ADAMTSL1: variants seen among roughly 807,000 people sequenced by gnomAD.
The protein encoded by ADAMTSL1 is ADAMTS-like protein 1.
A neutral mutation model predicts 201.8 loss-of-function variants in ADAMTSL1; 126 were observed. The ratio of observed to expected loss-of-function variants is 0.62; its 90% CI spans 0.54 to 0.72. ADAMTSL1 has a LOEUF of 0.72. Among genes scored for constraint, ADAMTSL1 ranks in the 30% least tolerant of loss-of-function variants. ADAMTSL1 has a pLI of 0.00. For missense variants in ADAMTSL1, 2,679 were observed against 2,277.8 expected (o/e 1.18, Z -3.59); for synonymous variants, 1,121 against 903.4 (o/e 1.24, Z -4.32).
chr9:17,951,313 A>C (rs912341822), intron 1 of ADAMTSL1, among the ~76,000 whole-genome samples: 1 of 152,170 alleles, frequency 6.6e-6, no homozygotes. Flanking sequence ...AATCCACATG[A>C]GTCTGCCCAG....
At chr9:18,747,810 A>G (rs1819234705) in intron 15 of ADAMTSL1, among the ~76,000 whole-genome samples, 2 of 152,222 alleles carry the variant, frequency 1.3e-5, no homozygotes, top group African/African-American at 4.8e-5. Flanking sequence ...AGATCCAGGC[A>G]GAGAGACAGG....
intron 2 of ADAMTSL1, among the ~76,000 whole-genome samples, chr9:18,386,992 G>T (rs1028097467): frequency 1.3e-5 from 2 of 152,056 alleles, no homozygotes; most frequent in Non-Finnish European, 2.9e-5. Flanking sequence ...CATACCAAAG[G>T]TCTTATAAAT....
At chr9:18,292,527 C>G in intron 2 of ADAMTSL1, among the ~76,000 whole-genome samples, 1 of 152,098 alleles carries the variant, frequency 6.6e-6, no homozygotes, top group East Asian at 1.9e-4. Context: ...AGTCAGTGGA[C>G]TGGGAGAGAC....
chr9:18,192,568 C>A (rs1272727927), intron 2 of ADAMTSL1, among the ~76,000 whole-genome samples: 1 of 152,076 alleles, frequency 6.6e-6, no homozygotes, highest in Non-Finnish European at 1.5e-5. Flanking sequence ...ATTTTGGAAG[C>A]TACAGTATTC....
chr9:18,283,923 A>AAAAAAAAAAAAAAAAAAAAAAC (rs1198916233), intron 2 of ADAMTSL1, among the ~76,000 whole-genome samples: 2 of 130,870 alleles, frequency 1.5e-5, no homozygotes, highest in African/African-American at 6.5e-5. Flanking sequence ...GTCTAAAAAA[A>AAAAAAAAAAAAAAAAAAAAAAC]AAAAAAAGAA....
intron 2 of ADAMTSL1, among the ~76,000 whole-genome samples, chr9:18,384,419 G>A (rs778991955): frequency 1.8e-4 from 27 of 152,170 alleles, no homozygotes; most frequent in African/African-American, 4.8e-4. Flanking sequence ...ATGAGATTTC[G>A]GTAGGGACAC....
chr9:18,839,143 C>T (rs1825539472), intron 23 of ADAMTSL1, among the ~76,000 whole-genome samples: 1 of 150,484 alleles, frequency 6.6e-6, no homozygotes, highest in Admixed American at 6.6e-5. Context: ...ATTAACTCGT[C>T]ATTTAGCATT....
chr9:18,242,713 T>C (rs765802397), intron 2 of ADAMTSL1, among the ~76,000 whole-genome samples: 5 of 151,944 alleles, frequency 3.3e-5, no homozygotes, highest in Non-Finnish European at 7.4e-5. Flanking sequence ...TATACACAAA[T>C]CACAACCTAA....
At chr9:18,316,222 G>A (rs1359112023) in intron 2 of ADAMTSL1, among the ~76,000 whole-genome samples, 2 of 152,082 alleles carry the variant, frequency 1.3e-5, no homozygotes, top group African/African-American at 4.8e-5. Context: ...CCACAGGACC[G>A]GGGCGAAATT....
chr9:18,287,808 C>T (rs1392749119), intron 2 of ADAMTSL1, among the ~76,000 whole-genome samples: 1 of 145,062 alleles, frequency 6.9e-6, no homozygotes, highest in Non-Finnish European at 1.5e-5. Context: ...CCCACAGAAC[C>T]ATAGTGGAAC....
chr9:18,390,649 A>G (rs1431240137), intron 2 of ADAMTSL1, among the ~76,000 whole-genome samples: 1 of 152,204 alleles, frequency 6.6e-6, no homozygotes, highest in African/African-American at 2.4e-5. Context: ...AGGAGTGTTG[A>G]CAAACTCCCA....
At chr9:18,891,294 A>T (rs1829253486) in intron 25 of ADAMTSL1, among the ~76,000 whole-genome samples, 1 of 152,236 alleles carries the variant, frequency 6.6e-6, no homozygotes, top group African/African-American at 2.4e-5. Context: ...TTTGAGATAC[A>T]ACTGGGTAAC....
intron 1 of ADAMTSL1, among the ~76,000 whole-genome samples, chr9:17,986,495 G>C (rs1818935471): frequency 6.6e-6 from 1 of 152,062 alleles, no homozygotes; most frequent in Non-Finnish European, 1.5e-5. Flanking sequence ...AAAGAAGAAT[G>C]ATCTGTAATC....
intron 1 of ADAMTSL1, among the ~76,000 whole-genome samples, chr9:18,071,651 A>G (rs759081369): frequency 1.3e-5 from 2 of 152,240 alleles, no homozygotes; most frequent in Non-Finnish European, 2.9e-5. Context: ...TGTACCTAGC[A>G]GAGCCCAAGT....
At chr9:17,956,273 A>T (rs1827928649) in intron 1 of ADAMTSL1, among the ~76,000 whole-genome samples, 1 of 152,152 alleles carries the variant, frequency 6.6e-6, no homozygotes, top group Admixed American at 6.6e-5. Context: ...TCTCGTGATC[A>T]ATTACCTACA....
At chr9:18,183,906 C>T (rs952149757) in intron 2 of ADAMTSL1, among the ~76,000 whole-genome samples, 11 of 152,090 alleles carry the variant, frequency 7.2e-5, no homozygotes, top group Admixed American at 3.3e-4. Context: ...TTGAAACAAG[C>T]GCAAACTAAT....
chr9:18,116,468 T>G (rs1380561490), intron 1 of ADAMTSL1, among the ~76,000 whole-genome samples: 3 of 152,150 alleles, frequency 2.0e-5, no homozygotes, highest in Non-Finnish European at 2.9e-5. Flanking sequence ...GGTTGCTGGG[T>G]TTTACTTTGC....
intron 2 of ADAMTSL1, among the ~76,000 whole-genome samples, chr9:18,424,629 ATATT>A (rs1278534128): frequency 6.6e-6 from 1 of 152,206 alleles, no homozygotes; most frequent in Non-Finnish European, 1.5e-5. Context: ...AGCTGTGCCC[ATATT>A]GTCCTGTTTA....
rs201143122 is a variant in ADAMTSL1 at position 17,911,985 on chromosome 9, C to A, written c.87+5063C>A. Reference sequence around the variant, plus strand: ...TTTACTGAGAATGATGATTTCCAATCTCATCCATGTCCCTACAAAGGACAT... The same window carrying A: ...TTTACTGAGAATGATGATTTCCAATATCATCCATGTCCCTACAAAGGACAT... On this transcript the variant is annotated intron_variant, in intron 1 of 29. Transcript: ENST00000680146. 1.4e-4 allele frequency among the ~76,000 whole-genome samples: 8 copies of A among 56,082 alleles called. 2 individuals are homozygous for A. The highest frequency in any genetic ancestry group is 2.6e-4 in the African/African-American group (8 of 30,362). 36.8% of individuals were successfully genotyped at this position (56,082 alleles called of 152,430 possible).
Sources: gnomAD v4.1 joint callset for allele counts (sites outside exome capture counted in the v4.1 genomes callset) on GRCh38, gnomAD v4.1.1 for gene constraint, MANE v1.5 for transcripts, NCBI Gene and HGNC (gene_info 2026-07-23, HGNC 2026-07-21) for gene names.